Variants in ART4 observed in about 807,000 individuals in gnomAD.
ART4 encodes ecto-ADP-ribosyltransferase 4.
A neutral mutation model predicts 24.2 loss-of-function variants in ART4; 14 were observed. That is an observed-to-expected ratio of 0.58 (90% CI 0.38 to 0.90). The LOEUF is 0.90. Among genes scored for constraint, ART4 ranks in the 40% least tolerant of loss-of-function variants. The probability of loss-of-function intolerance (pLI) is 0.00; values close to 1 mark genes in which losing one functional copy is unlikely to be tolerated. For missense variants in ART4, 356 were observed against 366.6 expected (o/e 0.97, Z 0.24); for synonymous variants, 145 against 139.9 (o/e 1.04, Z -0.26).
intron 2 of ART4, among the ~76,000 whole-genome samples, chr12:14,831,356 G>C (rs567287960): frequency 1.4e-3 from 211 of 149,648 alleles, no homozygotes; most frequent in Middle Eastern, 3.5e-3. Flanking sequence ...TGCAACATCA[G>C]CTCAAGTGAT....
chr12:14,827,118 T>C lies in ART4; in HGVS notation c.*2253A>G, dbSNP rs913798258. The C allele has an allele frequency of 6.6e-6, 1 of 152,062 alleles. No individual in the cohort carries two copies. The highest frequency in any genetic ancestry group is 6.6e-5 in the Admixed American group (1 of 15,256). The allele number at this position is 152,062 out of a possible 1,614,324, so 9.4% of individuals were successfully genotyped here. A position where few individuals can be genotyped will look rare whatever the true frequency, so the allele number is the denominator to read the frequency against. On this transcript the variant is annotated 3_prime_UTR_variant, in exon 3 of 3. Coordinates refer to ENST00000228936, the MANE Select transcript of ART4 (RefSeq NM_021071.4). ...TATGTTCTTAATTTCTCCTAAGAGATTGTAAACTCATGAGAGATCTGGCCT... is the reference window on the plus strand; with the variant it reads ...TATGTTCTTAATTTCTCCTAAGAGACTGTAAACTCATGAGAGATCTGGCCT...
Position 14,840,550 on chromosome 12 carries a change from A to G in ART4, c.748T>C (p.Tyr250His), listed in dbSNP as rs1332982308. 1.2e-5 allele frequency: 20 copies of G among 1,614,012 alleles called. No individual in the cohort carries two copies. In the Admixed American group the frequency reaches 3.3e-4, roughly 27 times the overall value. The change falls in exon 2 of 3, where the codon TAT (tyrosine) becomes CAT (histidine). Residue 250 changes from tyrosine to histidine, a missense_variant. By Grantham distance (83) the Tyr-to-His change is moderately conservative (BLOSUM62 2). Coordinates refer to ENST00000228936, the MANE Select transcript of ART4 (RefSeq NM_021071.4). ...ATATTTATAACTTTAAACAGCTCAT[A>G]GGGAGGGATCAAGACTTCCTTCTTG... ...SLKKEVLIPPYELFKVINMSY... is the reference protein window; with the variant it reads ...SLKKEVLIPPHELFKVINMSY...
chr12:14,837,426 G>A (rs756174182), intron 2 of ART4, among the ~76,000 whole-genome samples: 15 of 152,110 alleles, frequency 9.9e-5, no homozygotes, highest in Non-Finnish European at 1.9e-4. Context: ...AATAGGCTGG[G>A]CACTTCTATG....
intron 2 of ART4, 71 bp downstream of exon 2, chr12:14,840,374 G>T: frequency 7.4e-7 from 1 of 1,342,448 alleles, no homozygotes; most frequent in Non-Finnish European, 1.0e-6. Context: ...AAAACCCACT[G>T]AGAAAAAATA....
intron 2 of ART4, among the ~76,000 whole-genome samples, chr12:14,835,627 A>G (rs1341027887): frequency 6.8e-6 from 1 of 147,546 alleles, no homozygotes; most frequent in Non-Finnish European, 1.5e-5. Context: ...TTTTTTTTTG[A>G]CGGAGTCTCA....
chr12:14,831,781 G>T (rs1442313899), intron 2 of ART4, among the ~76,000 whole-genome samples: 1 of 151,854 alleles, frequency 6.6e-6, no homozygotes, highest in African/African-American at 2.4e-5. Context: ...CAACATCTCT[G>T]CTTGGGTTAC....
At chr12:14,834,765 C>T (rs1950418537) in intron 2 of ART4, among the ~76,000 whole-genome samples, 1 of 152,170 alleles carries the variant, frequency 6.6e-6, no homozygotes, top group Non-Finnish European at 1.5e-5. Context: ...ACACCTGTTT[C>T]TATGGCAACC....
chr12:14,833,544 G>A (rs1487557716), intron 2 of ART4, among the ~76,000 whole-genome samples: 3 of 152,206 alleles, frequency 2.0e-5, no homozygotes, highest in Non-Finnish European at 4.4e-5. Context: ...CAGGGTGATT[G>A]TGAAAACTAA....
Position 14,840,991 on chromosome 12 carries a change from C to CT in ART4, c.306dup (p.Ala103SerfsTer4), listed in dbSNP as rs751664806. 1.2e-6 allele frequency: 2 copies of CT among 1,614,068 alleles called. No homozygotes were observed. Among genetic ancestry groups the CT allele is most frequent in the African/African-American group, 1.3e-5 (1 of 74,916 alleles). ...AGAACTTTTCCTTGGTTAAGCCAGG[C>CT]TAAGTGGGCTTTTTGCCACATCCTA... On this transcript the variant is annotated frameshift_variant, in exon 2 of 3. Transcript: ENST00000228936. LOFTEE classifies it high-confidence loss of function.
intron 2 of ART4, among the ~76,000 whole-genome samples, chr12:14,833,156 A>G (rs1403150110): frequency 6.6e-6 from 1 of 152,216 alleles, no homozygotes; most frequent in Admixed American, 6.5e-5. Flanking sequence ...GGTCATAGCC[A>G]TCATTGTTTA....
intron 2 of ART4, among the ~76,000 whole-genome samples, chr12:14,832,261 T>C (rs139208081): frequency 1.3e-5 from 2 of 152,338 alleles, no homozygotes; most frequent in East Asian, 3.9e-4. Context: ...ATTATTTTTC[T>C]CTCATTCCCG....
rs116873427 is a variant in ART4, at chr12:14,836,491, T to C, written c.853+3954A>G. Among the ~76,000 whole-genome samples, 309 of 152,312 alleles carry C rather than the reference T, an allele frequency of 2.0e-3. 5 individuals carry two copies. The East Asian group carries it at 0.049, about 24-fold the overall frequency. ...ACACCACTCAGAATGGCATACCATTTAAAACTTAGGAATTCTTTATCTCTG... is the reference window on the plus strand; with the variant it reads ...ACACCACTCAGAATGGCATACCATTCAAAACTTAGGAATTCTTTATCTCTG... On this transcript the variant is annotated intron_variant, in intron 2 of 2. Transcript: ENST00000228936.
Position 14,840,451 on chromosome 12 carries a change from G to A in ART4, c.847C>T (p.Leu283=). The stretch of plus-strand genomic sequence containing the variant: ...CAATTTAGATAAAGAATACCTTTTA[G>A]CAGCTGACAGTTATATGTGCTCAGG... ...GNLSTYNCQL[L]KASSKKCIPD... The change falls in exon 2 of 3, where the codon CTA becomes TTA. Residue 283 remains leucine, a synonymous_variant. Transcript: ENST00000228936. The A allele has an allele frequency of 6.2e-7, 1 of 1,603,494 alleles. No homozygotes were observed. The highest frequency in any genetic ancestry group is 8.5e-7 in the Non-Finnish European group (1 of 1,176,268).
intron 2 of ART4, 54 bp from the exon 3 acceptor site, chr12:14,829,516 C>T: frequency 8.1e-7 from 1 of 1,234,014 alleles, no homozygotes; most frequent in Admixed American, 2.0e-5. Context: ...TTTTTTAAAA[C>T]TACCTCATCT....
At chr12:14,842,678 T>A (rs547389732) in intron 1 of ART4, among the ~76,000 whole-genome samples, 175 of 152,328 alleles carry the variant, frequency 1.1e-3, no homozygotes, top group Non-Finnish European at 2.0e-3. Flanking sequence ...TAGACTTGGT[T>A]TATTTTGCAT....
chr12:14,843,253 C>T lies in ART4; in HGVS notation c.-140G>A. 5.4e-6 allele frequency: 5 copies of T among 920,144 alleles called. No homozygotes were observed. The highest frequency in any genetic ancestry group is 8.0e-6 in the Non-Finnish European group (5 of 625,030). The allele number at this position is 920,144 out of a possible 1,614,324, so 57.0% of individuals were successfully genotyped here. On this transcript the variant is annotated 5_prime_UTR_variant, in exon 1 of 3. Coordinates refer to ENST00000228936, the MANE Select transcript of ART4 (RefSeq NM_021071.4). ...GTCTATGCTGAGCAACTTCTGTTGCCCACCAACAACCAATAGCTTGTCTGA... is the reference window on the plus strand; with the variant it reads ...GTCTATGCTGAGCAACTTCTGTTGCTCACCAACAACCAATAGCTTGTCTGA...
intron 2 of ART4, among the ~76,000 whole-genome samples, chr12:14,834,152 A>G (rs1231773264): frequency 6.6e-6 from 1 of 152,206 alleles, no homozygotes; most frequent in Non-Finnish European, 1.5e-5. Context: ...TCACCTAGCT[A>G]CTAACATATA....
Position 14,834,296 on chromosome 12 carries a change from A to G in ART4, c.854-4834T>C, listed in dbSNP as rs116844040. 8.3e-3 allele frequency among the ~76,000 whole-genome samples: 1,260 copies of G among 152,330 alleles called. 3 individuals are homozygous for G. The highest frequency in any genetic ancestry group is 0.013 in the Non-Finnish European group (892 of 68,026). ...TACTTCAAGGTCATTGTGATGCCAC[A>G]AATAGGGTAAACTAATTTTAGATAA... On this transcript the variant is annotated intron_variant, in intron 2 of 2. Coordinates refer to ENST00000228936, the MANE Select transcript of ART4 (RefSeq NM_021071.4).
chr12:14,838,876 G>A (rs1040470658), intron 2 of ART4, among the ~76,000 whole-genome samples: 2 of 149,264 alleles, frequency 1.3e-5, no homozygotes, highest in Non-Finnish European at 3.0e-5. Flanking sequence ...CTGTGAGTGT[G>A]AATAAATTTA....
Sources: allele counts gnomAD v4.1 joint callset (sites outside exome capture counted in the v4.1 genomes callset), GRCh38; gene constraint gnomAD v4.1.1; transcripts MANE v1.5; gene names NCBI Gene and HGNC (gene_info 2026-07-23, HGNC 2026-07-21).